BBS9: variants seen among roughly 807,000 people sequenced by gnomAD.
The protein encoded by BBS9 is Bardet-Biedl syndrome 9, also known as protein PTHB1.
BBS9 carries 89 observed loss-of-function variants against 117.7 expected under a neutral mutation model. The observed-to-expected ratio is 0.76, with a 90% CI of 0.64 to 0.90. BBS9 has a LOEUF of 0.90. Ranked by LOEUF, BBS9 falls within the 40% of genes least tolerant of loss-of-function variation. The pLI, the probability that BBS9 is intolerant of heterozygous loss-of-function variation, is 0.00. For missense variants in BBS9, 982 were observed against 1,042.2 expected (o/e 0.94, Z 0.80); for synonymous variants, 379 against 370.9 (o/e 1.02, Z -0.25).
intron 4 of BBS9, among the ~76,000 whole-genome samples, chr7:33,166,594 C>T (rs1441424219): frequency 6.6e-6 from 1 of 152,248 alleles, no homozygotes; most frequent in East Asian, 1.9e-4. Flanking sequence ...TGCCAGGCTG[C>T]TGCCTCACAG....
intron 19 of BBS9, among the ~76,000 whole-genome samples, chr7:33,495,780 A>T (rs1380301413): frequency 1.3e-5 from 2 of 152,206 alleles, no homozygotes; most frequent in Non-Finnish European, 1.5e-5. Context: ...TTAGCCAAGC[A>T]TTGGAGTTCG....
intron 9 of BBS9, among the ~76,000 whole-genome samples, chr7:33,310,924 A>G (rs1245600511): frequency 6.6e-6 from 1 of 152,202 alleles, no homozygotes; most frequent in Non-Finnish European, 1.5e-5. Flanking sequence ...AATTCATGGA[A>G]CTTGTAGTGG....
chr7:33,204,720 T>G (rs1407490040), intron 5 of BBS9, among the ~76,000 whole-genome samples: 1 of 152,144 alleles, frequency 6.6e-6, no homozygotes, highest in Non-Finnish European at 1.5e-5. Flanking sequence ...GAAACCAAAG[T>G]TGCATGTAGC....
At chr7:33,619,354 T>C (rs1448988813) in intron 21 of BBS9, among the ~76,000 whole-genome samples, 3 of 152,058 alleles carry the variant, frequency 2.0e-5, no homozygotes, top group Non-Finnish European at 2.9e-5. Flanking sequence ...CCTAAATACA[T>C]AAAGAAAATA....
intron 9 of BBS9, among the ~76,000 whole-genome samples, chr7:33,327,824 G>A (rs868328087): frequency 2.0e-5 from 3 of 152,282 alleles, no homozygotes; most frequent in Middle Eastern, 6.8e-3. Context: ...TTATGTGGTT[G>A]CAAGAAAAAG....
At chr7:33,540,934 C>T (rs1256139366) in intron 21 of BBS9, among the ~76,000 whole-genome samples, 1 of 152,158 alleles carries the variant, frequency 6.6e-6, no homozygotes, top group Non-Finnish European at 1.5e-5. Context: ...TCGCACTTTG[C>T]TTATAATCCA....
chr7:33,404,888 A>T (rs183495532), intron 19 of BBS9, among the ~76,000 whole-genome samples: 1 of 152,152 alleles, frequency 6.6e-6, no homozygotes, highest in East Asian at 1.9e-4. Context: ...TATGTTGAAT[A>T]GGAGTAGTGA....
At chr7:33,412,286 G>A (rs1831286831) in intron 19 of BBS9, among the ~76,000 whole-genome samples, 1 of 152,146 alleles carries the variant, frequency 6.6e-6, no homozygotes, top group Non-Finnish European at 1.5e-5. Context: ...CTCCAGAGTA[G>A]GACTAACTGC....
Position 33,426,181 on chromosome 7 carries a change from A to G in BBS9, c.2115+38037A>G, listed in dbSNP as rs117032463. 5.4e-3 allele frequency among the ~76,000 whole-genome samples: 830 copies of G among 152,326 alleles called. 4 individuals are homozygous for G. Among genetic ancestry groups the G allele is most frequent in the Non-Finnish European group, 8.8e-3 (600 of 68,028 alleles). ...ACAGCCACACCAGCTTACTTATAAT[A>G]GGAATTCAGTGTGTTACAACAAAGA... On this transcript the variant is annotated intron_variant, in intron 19 of 22. Coordinates refer to ENST00000242067, the MANE Select transcript of BBS9 (RefSeq NM_198428.3).
intron 21 of BBS9, among the ~76,000 whole-genome samples, chr7:33,568,969 G>T (rs150211882): frequency 2.0e-5 from 3 of 152,266 alleles, no homozygotes; most frequent in African/African-American, 7.2e-5. Context: ...TCTTTTCTGA[G>T]AAGCTCTTTG....
intron 19 of BBS9, among the ~76,000 whole-genome samples, chr7:33,436,795 C>G (rs1028981416): frequency 3.3e-5 from 5 of 152,188 alleles, no homozygotes; most frequent in African/African-American, 1.2e-4. Flanking sequence ...ACTGATATCC[C>G]TAAATGTTAG....
At chr7:33,469,394 T>C (rs1327765330) in intron 19 of BBS9, among the ~76,000 whole-genome samples, 1 of 152,166 alleles carries the variant, frequency 6.6e-6, no homozygotes, top group Non-Finnish European at 1.5e-5. Flanking sequence ...ATGGACTTTA[T>C]AGCCATTTTC....
intron 5 of BBS9, among the ~76,000 whole-genome samples, chr7:33,182,086 CAAACAAAACA>C (rs147523817): frequency 7.3e-5 from 11 of 151,718 alleles, no homozygotes; most frequent in East Asian, 3.9e-4. Flanking sequence ...GACTCCGTCT[CAAACAAAACA>C]AAACAAAACA....
intron 21 of BBS9, among the ~76,000 whole-genome samples, chr7:33,550,578 A>T (rs1056054089): frequency 2.6e-5 from 4 of 152,134 alleles, no homozygotes; most frequent in Non-Finnish European, 5.9e-5. Flanking sequence ...ACACGCAAAG[A>T]TGACGTTCTT....
intron 1 of BBS9, among the ~76,000 whole-genome samples, chr7:33,138,911 T>C (rs939415211): frequency 2.0e-5 from 3 of 151,208 alleles, no homozygotes; most frequent in African/African-American, 7.2e-5. Context: ...AATGATGCCT[T>C]TGTTATTTTG....
intron 5 of BBS9, among the ~76,000 whole-genome samples, chr7:33,203,909 G>C (rs1228001248): frequency 6.6e-6 from 1 of 150,688 alleles, no homozygotes; most frequent in Non-Finnish European, 1.5e-5. Flanking sequence ...TTTTAGTAGA[G>C]ACGGGGTTTC....
At chr7:33,148,718 G>GC (rs1792817068) in intron 2 of BBS9, among the ~76,000 whole-genome samples, 1 of 149,190 alleles carries the variant, frequency 6.7e-6, no homozygotes, top group Non-Finnish European at 1.5e-5. Context: ...AGGATGGAGT[G>GC]CAGTGGCATG....
intron 21 of BBS9, among the ~76,000 whole-genome samples, chr7:33,622,515 G>A (rs2129223586): frequency 6.6e-6 from 1 of 152,146 alleles, no homozygotes; most frequent in South Asian, 2.1e-4. Flanking sequence ...GCATTTCACA[G>A]CGTATACACA....
intron 4 of BBS9, among the ~76,000 whole-genome samples, chr7:33,160,578 G>C (rs952275424): frequency 2.6e-5 from 4 of 152,166 alleles, no homozygotes; most frequent in African/African-American, 7.2e-5. Context: ...CTTGATCTGT[G>C]ATCTTGAGAA....
Sources: gnomAD v4.1 joint callset for allele counts (sites outside exome capture counted in the v4.1 genomes callset) on GRCh38, gnomAD v4.1.1 for gene constraint, MANE v1.5 for transcripts, NCBI Gene and HGNC (gene_info 2026-07-23, HGNC 2026-07-21) for gene names.